The following ASXL3 variants were observed in gnomAD, a reference collection of about 807,000 sequenced individuals.
ASXL3 encodes putative Polycomb group protein ASXL3.
Under a neutral mutation model 170.6 loss-of-function variants are expected in ASXL3, and 34 were observed. The ratio of observed to expected loss-of-function variants is 0.20; its 90% CI spans 0.15 to 0.27. The LOEUF is 0.27. Ranked by LOEUF, ASXL3 falls within the 10% of genes least tolerant of loss-of-function variation. ASXL3 has a pLI of 1.00. For missense variants in ASXL3, 2,592 were observed against 2,695.3 expected (o/e 0.96, Z 0.85); for synonymous variants, 1,002 against 989.1 (o/e 1.01, Z -0.24).
intron 2 of ASXL3, among the ~76,000 whole-genome samples, chr18:33,620,664 A>G (rs1397644373): frequency 6.6e-6 from 1 of 152,170 alleles, no homozygotes; most frequent in African/African-American, 2.4e-5. Flanking sequence ...AAGTTTTATA[A>G]GTTACTTTTT....
At chr18:33,589,309 T>C (rs1009768187) in intron 1 of ASXL3, among the ~76,000 whole-genome samples, 11 of 152,228 alleles carry the variant, frequency 7.2e-5, no homozygotes, top group African/African-American at 1.7e-4. Flanking sequence ...TGCCAGTTAA[T>C]GTTAGTATTT....
At position 33,745,920 on chromosome 18, in the gene ASXL3, T is replaced by TCCCCCC; in HGVS notation, c.6077_6078insCCCCCC (p.Pro2027_Pro2028dup). ...ATCCGCCGCCGCCACCGCCTCCCCC[T>TCCCCCC]CCCCCTCCACCCTTGGCTTTGCCCC... On this transcript the variant is annotated inframe_insertion, in exon 12 of 12. Transcript: ENST00000269197. The TCCCCCC allele has an allele frequency of 1.6e-6, 1 of 643,298 alleles. No homozygotes were observed. Among genetic ancestry groups the TCCCCCC allele is most frequent in the South Asian group, 3.0e-5 (1 of 33,566 alleles). The allele number at this position is 643,298 out of a possible 1,614,324, so 39.8% of individuals were successfully genotyped here. A position where few individuals can be genotyped will look rare whatever the true frequency, so the allele number is the denominator to read the frequency against.
At chr18:33,609,084 A>G in intron 2 of ASXL3, 1 of 982,820 alleles carries the variant, frequency 1.0e-6, no homozygotes, top group Non-Finnish European at 1.2e-6. Context: ...ATTAGTTGCT[A>G]ACAGTACCTA....
intron 1 of ASXL3, chr18:33,605,710 A>G (rs1599386372): frequency 1.3e-5 from 2 of 152,034 alleles, no homozygotes; most frequent in Admixed American, 1.3e-4. Context: ...AACATTGTCT[A>G]GTACACTAGA....
rs10432168 is a variant in ASXL3, at chr18:33,732,142, T to C, written c.976+78T>C. 702,146 of 1,163,524 alleles carry C rather than the reference T, an allele frequency of 0.6. 220,231 individuals carry two copies. The highest frequency in any genetic ancestry group is 0.98 in the East Asian group (40,123 of 40,998). 72.1% of individuals were successfully genotyped at this position (1,163,524 alleles called of 1,614,324 possible). A position where few individuals can be genotyped will look rare whatever the true frequency, so the allele number is the denominator to read the frequency against. On this transcript the variant is annotated intron_variant, in intron 9 of 11. Transcript: ENST00000269197. ...CTGAGCTTGTACCTTTCTCTGATTT[T>C]TCAGTCTTTTCCCCGACACAGTACA...
rs1255997313 is a variant in ASXL3, at chr18:33,745,455, A to G, written c.5607A>G (p.Gly1869=). Reference sequence around the variant, plus strand: ...TCAGTTCCGGCATCAGTCAGCTAGGACACAGCCAGCCATTTAAGCAAGAAT... The same window carrying G: ...TCAGTTCCGGCATCAGTCAGCTAGGGCACAGCCAGCCATTTAAGCAAGAAT... ...CVISSGISQL[G]HSQPFKQEWL... is the part of the protein sequence containing the mutation. Residue 1869 remains glycine (G), a synonymous_variant, in exon 12 of 12, where the codon GGA becomes GGG. Coordinates refer to ENST00000269197, the MANE Select transcript of ASXL3 (RefSeq NM_030632.3). The G allele has an allele frequency of 2.5e-6, 4 of 1,613,994 alleles. No homozygotes were observed. In the South Asian group the frequency reaches 4.4e-5, roughly 18 times the overall value.
chr18:33,671,251 G>A (rs2066336114), intron 6 of ASXL3, among the ~76,000 whole-genome samples: 1 of 152,120 alleles, frequency 6.6e-6, no homozygotes, highest in Admixed American at 6.5e-5. Context: ...GTGCAGCCCT[G>A]ACCTTGTCTT....
intron 7 of ASXL3, among the ~76,000 whole-genome samples, chr18:33,677,894 T>G (rs575757948): frequency 6.6e-6 from 1 of 152,246 alleles, no homozygotes; most frequent in South Asian, 2.1e-4. Flanking sequence ...GCCATTTAAT[T>G]TAATTTCATT....
At position 33,578,316 on chromosome 18, in the gene ASXL3, C is replaced by G. The variant is rs1568259949; in HGVS notation, c.-316C>G. Reference sequence around the variant, plus strand: ...GCAGCGCGAGCCCCGCACGAGCGAGCCCGGCCGGCGCCGCCCCCGCCCCTG... The same window carrying G: ...GCAGCGCGAGCCCCGCACGAGCGAGGCCGGCCGGCGCCGCCCCCGCCCCTG... On this transcript the variant is annotated 5_prime_UTR_variant, in exon 1 of 12. Coordinates refer to ENST00000269197, the MANE Select transcript of ASXL3 (RefSeq NM_030632.3). 1 of 145,510 alleles carries G rather than the reference C, an allele frequency of 6.9e-6. No individual in the cohort carries two copies. Among genetic ancestry groups the G allele is most frequent in the Non-Finnish European group, 1.5e-5 (1 of 65,586 alleles). The allele number at this position is 145,510 out of a possible 1,614,324, so 9.0% of individuals were successfully genotyped here.
intron 7 of ASXL3, among the ~76,000 whole-genome samples, chr18:33,678,038 C>T (rs139048178): frequency 1.3e-3 from 203 of 152,094 alleles, no homozygotes; most frequent in African/African-American, 4.5e-3. Flanking sequence ...TACAGGCATG[C>T]GCCATTATGC....
At position 33,707,092 on chromosome 18, in the gene ASXL3, T is replaced by C. The variant is rs535195859; in HGVS notation, c.879+23524T>C. ...CATCTATTTATAGACACTGTTCCTT[T>C]GCATTGGTCTGTTTGTCTGTCCTTA... On this transcript the variant is annotated intron_variant, in intron 8 of 11. Coordinates refer to ENST00000269197, the MANE Select transcript of ASXL3 (RefSeq NM_030632.3). Among the ~76,000 whole-genome samples, 11 of 151,856 alleles carry C rather than the reference T, an allele frequency of 7.2e-5. No homozygotes were observed. In the South Asian group the frequency reaches 1.0e-3, roughly 14 times the overall value.
At chr18:33,703,579 T>C (rs941675676) in intron 8 of ASXL3, among the ~76,000 whole-genome samples, 1 of 152,112 alleles carries the variant, frequency 6.6e-6, no homozygotes, top group Non-Finnish European at 1.5e-5. Context: ...GGATGAGAAA[T>C]GCTGCGGACC....
chr18:33,745,733 C>T lies in ASXL3; in HGVS notation c.5885C>T (p.Ala1962Val), dbSNP rs1333995169. ...ACCCCAGTGGGGTGTAATGCATTTG[C>T]CTTCAACAGGCATCTTGAACAGAAG... The part of the protein sequence containing the change: ...SKTPVGCNAF[A>V]FNRHLEQKGL... The change falls in exon 12 of 12, where the codon GCC (alanine) becomes GTC (valine). Residue 1962 changes from alanine to valine, a missense_variant. This residue lies in a region of ASXL3 where 2,246 missense variants were observed against 2,219.6 expected (regional missense o/e 1.01). Transcript: ENST00000269197. The T allele has an allele frequency of 6.2e-7, 1 of 1,613,956 alleles. No individual in the cohort carries two copies. Among genetic ancestry groups the T allele is most frequent in the Non-Finnish European group, 8.5e-7 (1 of 1,179,876 alleles).
chr18:33,683,499 T>C lies in ASXL3; in HGVS notation c.810T>C (p.His270=), dbSNP rs2066546353. ...ACTTGAGGGCATTAATAAATAAACA[T>C]ACGTTTGCTTCCTTACCTCAGCATT... ...NTNLRALINK[H]TFASLPQHFQ... is the part of the protein sequence containing the mutation. Residue 270 remains histidine, a synonymous_variant, in exon 8 of 12, where the codon CAT becomes CAC. Coordinates refer to ENST00000269197, the MANE Select transcript of ASXL3 (RefSeq NM_030632.3). 6.2e-7 allele frequency: 1 copy of C among 1,613,560 alleles called. No individual in the cohort carries two copies.
chr18:33,583,056 T>C (rs1463962546), intron 1 of ASXL3, among the ~76,000 whole-genome samples: 3 of 152,178 alleles, frequency 2.0e-5, no homozygotes, highest in Admixed American at 6.5e-5. Context: ...CTGAATGGTA[T>C]TGTAGCTGTT....
chr18:33,607,523 C>T, intron 1 of ASXL3, 71 bp from the exon 2 acceptor site: 1 of 1,195,590 alleles, frequency 8.4e-7, no homozygotes, highest in African/African-American at 1.5e-5. Context: ...GCAGAGAATG[C>T]ATGATTCACA....
chr18:33,697,215 A>G (rs115293525), intron 8 of ASXL3, among the ~76,000 whole-genome samples: 2,322 of 152,256 alleles, frequency 0.015, 64 homozygotes, highest in African/African-American at 0.053. Flanking sequence ...AGTATCTATT[A>G]ATAAAGTTGA....
chr18:33,736,746 G>A (rs2067555037), intron 10 of ASXL3, among the ~76,000 whole-genome samples: 1 of 152,080 alleles, frequency 6.6e-6, no homozygotes, highest in Admixed American at 6.6e-5. Flanking sequence ...TTGTGAACTT[G>A]TGTCTAGATT....
chr18:33,610,683 C>T (rs1372515004), intron 2 of ASXL3, among the ~76,000 whole-genome samples: 2 of 152,028 alleles, frequency 1.3e-5, no homozygotes, highest in Non-Finnish European at 2.9e-5. Flanking sequence ...ACTCAATAAA[C>T]AGTTGTTTAG....
Sources: gnomAD v4.1 joint callset for allele counts (sites outside exome capture counted in the v4.1 genomes callset) on GRCh38, gnomAD v4.1.1 for gene constraint, gnomAD v4.1.1 regional missense constraint, MANE v1.5 for transcripts, NCBI Gene and HGNC (gene_info 2026-07-23, HGNC 2026-07-21) for gene names.